Variants in MMAA observed in about 807,000 individuals in gnomAD.
MMAA encodes metabolism of cobalamin associated A, also known as methylmalonic aciduria type A protein, mitochondrial.
In MMAA, 41 loss-of-function variants were observed where a neutral mutation model predicts 45.0. That is an observed-to-expected ratio of 0.91 (90% CI 0.71 to 1.18). MMAA has a LOEUF of 1.18. Ranked by LOEUF, MMAA falls within the 50% of genes most tolerant of loss-of-function variation. The pLI, the probability that MMAA is intolerant of heterozygous loss-of-function variation, is 0.00. For missense variants in MMAA, 460 were observed against 495.7 expected, an observed-to-expected ratio of 0.93 and a Z score of 0.68; for synonymous variants, 154 against 178.2, an observed-to-expected ratio of 0.86 and a Z score of 1.08.
intron 5 of MMAA, 105 bp from the exon 6 acceptor site, chr4:145,653,889 G>T: frequency 8.3e-7 from 1 of 1,199,058 alleles, no homozygotes; most frequent in Non-Finnish European, 1.2e-6. Context: ...GGCTTAGGAG[G>T]ATATGGATGA....
rs1280811088 is a variant in MMAA at position 145,627,949 on chromosome 4, G to C, written c.-66+8542G>C. On this transcript the variant is annotated intron_variant, in intron 1 of 6. Coordinates refer to ENST00000649156, the MANE Select transcript of MMAA (RefSeq NM_172250.3). Reference sequence around the variant, plus strand: ...ATGTGATTATTGCTTATTTCACCTTGCACATAATTCTTTTTACTAAATTTT... The same window carrying C: ...ATGTGATTATTGCTTATTTCACCTTCCACATAATTCTTTTTACTAAATTTT... 2.0e-5 allele frequency among the ~76,000 whole-genome samples: 3 copies of C among 152,110 alleles called. No homozygotes were observed. The East Asian group carries it at 5.8e-4, about 29-fold the overall frequency.
chr4:145,633,190 C>CTTTATCTTTTTTTTTTTTTTTT (rs1435430308), intron 1 of MMAA, among the ~76,000 whole-genome samples: 1 of 106,896 alleles, frequency 9.4e-6, no homozygotes. Flanking sequence ...TCTTGAATTT[C>CTTTATCTTTTTTTTTTTTTTTT]TTTTTCTTTT....
intron 4 of MMAA, chr4:145,650,668 T>C: frequency 3.8e-6 from 1 of 260,284 alleles, no homozygotes; most frequent in Non-Finnish European, 7.5e-6. Flanking sequence ...CCATACATAA[T>C]TGGGCGTTTG....
At chr4:145,645,152 G>A (rs1012151018) in intron 3 of MMAA, among the ~76,000 whole-genome samples, 3 of 152,174 alleles carry the variant, frequency 2.0e-5, no homozygotes, top group Non-Finnish European at 4.4e-5. Flanking sequence ...ATTTACGTAA[G>A]GTTGAGAAAA....
Position 145,659,398 on chromosome 4 carries a change from T to C in MMAA, c.*3964T>C, listed in dbSNP as rs1040586113. 2 of 152,150 alleles carry C rather than the reference T, an allele frequency of 1.3e-5. No homozygotes were observed. Among genetic ancestry groups the C allele is most frequent in the Non-Finnish European group, 2.9e-5 (2 of 68,010 alleles). 9.4% of individuals were successfully genotyped at this position (152,150 alleles called of 1,614,324 possible). ...AAATGTAGATGATGTGAGTCAAAGT[T>C]CATTAATATTTACCTGAAAATTTGT... On this transcript the variant is annotated 3_prime_UTR_variant, in exon 7 of 7. Transcript: ENST00000649156.
rs934446234 is a variant in MMAA, at chr4:145,657,878, C to G, written c.*2444C>G. The G allele has an allele frequency of 1.3e-5, 2 of 152,212 alleles. No homozygotes were observed. The highest frequency in any genetic ancestry group is 2.9e-5 in the Non-Finnish European group (2 of 68,048). 9.4% of individuals were successfully genotyped at this position (152,212 alleles called of 1,614,324 possible). A position where few individuals can be genotyped will look rare whatever the true frequency, so the allele number is the denominator to read the frequency against. On this transcript the variant is annotated 3_prime_UTR_variant, in exon 7 of 7. Transcript: ENST00000649156. ...TGGATATTTGTCCCCACCCAAGTCT[C>G]ATGTTGAAATGTAATCCCCAATCTT... is the stretch of plus-strand genomic sequence containing the variant.
intron 1 of MMAA, chr4:145,624,013 C>T (rs1734143854): frequency 1.4e-6 from 1 of 720,370 alleles, no homozygotes. Context: ...TGATGACTCA[C>T]TTCACTTTAC....
chr4:145,654,318 A>G (rs760693374), intron 6 of MMAA, among the ~76,000 whole-genome samples, 175 bp downstream of exon 6: 9 of 152,212 alleles, frequency 5.9e-5, no homozygotes, highest in Non-Finnish European at 1.3e-4. Flanking sequence ...TAATCCTTTA[A>G]CCACTAGATG....
intron 1 of MMAA, among the ~76,000 whole-genome samples, 199 bp from the exon 2 acceptor site, chr4:145,638,876 C>T (rs1209318590): frequency 6.6e-6 from 1 of 152,120 alleles, no homozygotes; most frequent in Non-Finnish European, 1.5e-5. Context: ...ATTCGGGTTA[C>T]TCTGAATATT....
intron 2 of MMAA, among the ~76,000 whole-genome samples, 194 bp from the exon 3 acceptor site, chr4:145,642,168 CT>C (rs1434396532): frequency 1.3e-5 from 2 of 152,120 alleles, no homozygotes; most frequent in Non-Finnish European, 2.9e-5. Flanking sequence ...AGGGTGTTTC[CT>C]TCCTATAGCC....
intron 3 of MMAA, among the ~76,000 whole-genome samples, chr4:145,643,589 A>T (rs1727846359): frequency 6.6e-6 from 1 of 152,170 alleles, no homozygotes; most frequent in Non-Finnish European, 1.5e-5. Flanking sequence ...AATCTAGCTC[A>T]GAACATTCAA....
chr4:145,642,261 A>T (rs1240365758), intron 2 of MMAA, 102 bp from the exon 3 acceptor site: 4 of 1,296,926 alleles, frequency 3.1e-6, no homozygotes, highest in Non-Finnish European at 4.4e-6. Flanking sequence ...GTTTTAATAC[A>T]TTAGGGGAAA....
intron 1 of MMAA, among the ~76,000 whole-genome samples, chr4:145,623,393 A>G (rs946092108): frequency 3.3e-5 from 5 of 152,204 alleles, no homozygotes; most frequent in Admixed American, 6.5e-5. Flanking sequence ...TGTGTAGAAT[A>G]TTTTAAAAGG....
At chr4:145,650,995 T>G (rs759994810) in intron 4 of MMAA, 67 bp from the exon 5 acceptor site, 310 of 1,372,656 alleles carry the variant, frequency 2.3e-4, no homozygotes, top group Admixed American at 3.7e-4. Context: ...ATGGAAATGG[T>G]CAATGTAGTT....
chr4:145,625,855 C>T (rs1055148932), intron 1 of MMAA: 33 of 1,320,482 alleles, frequency 2.5e-5, no homozygotes, highest in Non-Finnish European at 3.6e-5. Context: ...CTAAGACGTT[C>T]CAGATGACGG....
intron 5 of MMAA, among the ~76,000 whole-genome samples, chr4:145,652,877 T>G (rs542912190): frequency 9.1e-4 from 137 of 150,990 alleles, no homozygotes; most frequent in Non-Finnish European, 1.5e-3. Context: ...ATTTTTTCCT[T>G]TTTTTTTTCA....
intron 2 of MMAA, 133 bp from the exon 3 acceptor site, chr4:145,642,230 T>G: frequency 9.9e-7 from 1 of 1,010,396 alleles, no homozygotes; most frequent in Non-Finnish European, 1.5e-6. Flanking sequence ...TTTTAGGACA[T>G]GTTGAAATAT....
intron 3 of MMAA, 82 bp downstream of exon 3, chr4:145,642,567 G>GCCA: frequency 6.3e-7 from 1 of 1,581,998 alleles, no homozygotes; most frequent in South Asian, 1.1e-5. Context: ...ACAGTTGGGT[G>GCCA]ACCTCTAACT....
At chr4:145,640,925 G>A (rs1217597835) in intron 2 of MMAA, among the ~76,000 whole-genome samples, 25 of 152,036 alleles carry the variant, frequency 1.6e-4, no homozygotes, top group Admixed American at 1.6e-3. Context: ...ATTTTGTGGA[G>A]AATGAGTAAA....
Sources: allele counts gnomAD v4.1 joint callset (sites outside exome capture counted in the v4.1 genomes callset), GRCh38; gene constraint gnomAD v4.1.1; transcripts MANE v1.5; gene names NCBI Gene and HGNC (gene_info 2026-07-23, HGNC 2026-07-21).